The following XKR4 variants were observed in gnomAD, a reference collection of about 807,000 sequenced individuals.
XKR4 encodes XK-related protein 4.
In XKR4, 12 loss-of-function variants were observed where a neutral mutation model predicts 53.9. The observed-to-expected ratio is 0.22, with a 90% CI of 0.14 to 0.36. The LOEUF is 0.36. Ranked by LOEUF, XKR4 falls within the 10% of genes least tolerant of loss-of-function variation. XKR4 has a pLI of 1.00. For synonymous variants in XKR4, 354 were observed against 362.4 expected (o/e 0.98, Z 0.26); for missense variants, 799 against 859.5 (o/e 0.93, Z 0.88).
At chr8:55,319,528 C>A (rs1803174981) in intron 1 of XKR4, among the ~76,000 whole-genome samples, 1 of 152,120 alleles carries the variant, frequency 6.6e-6, no homozygotes, top group Admixed American at 6.6e-5. Flanking sequence ...CAGTTATTTT[C>A]TAATTTACAT....
intron 1 of XKR4, among the ~76,000 whole-genome samples, chr8:55,124,095 G>T (rs967556990): frequency 2.6e-5 from 4 of 152,176 alleles, no homozygotes; most frequent in African/African-American, 9.6e-5. Context: ...CCTCCTCAAA[G>T]CTGTCATCTT....
At chr8:55,158,590 T>G (rs777004348) in intron 1 of XKR4, among the ~76,000 whole-genome samples, 3 of 152,216 alleles carry the variant, frequency 2.0e-5, no homozygotes, top group Non-Finnish European at 4.4e-5. Context: ...ATGTCCAGAA[T>G]AGTGTTTTCT....
At chr8:55,103,804 G>C (rs1318809196) in intron 1 of XKR4, among the ~76,000 whole-genome samples, 5 of 146,972 alleles carry the variant, frequency 3.4e-5, no homozygotes, top group Admixed American at 6.9e-5. Flanking sequence ...ATCACTGCTG[G>C]AGAAGTGCTT....
intron 1 of XKR4, among the ~76,000 whole-genome samples, chr8:55,265,044 AC>A (rs1818577090): frequency 6.6e-6 from 1 of 152,176 alleles, no homozygotes; most frequent in South Asian, 2.1e-4. Flanking sequence ...ATTTCTTTTG[AC>A]CACTGTGTTC....
chr8:55,142,898 G>T (rs552598173), intron 1 of XKR4, among the ~76,000 whole-genome samples: 1 of 152,312 alleles, frequency 6.6e-6, no homozygotes, highest in African/African-American at 2.4e-5. Context: ...AAGGAGCAGC[G>T]CCTGAAGGCC....
At chr8:55,166,632 G>A (rs1817069132) in intron 1 of XKR4, among the ~76,000 whole-genome samples, 1 of 152,222 alleles carries the variant, frequency 6.6e-6, no homozygotes, top group Non-Finnish European at 1.5e-5. Context: ...AGTGGCATGA[G>A]GAGTTTTGGG....
chr8:55,193,149 TCCC>T (rs1034607245), intron 1 of XKR4, among the ~76,000 whole-genome samples: 8 of 142,154 alleles, frequency 5.6e-5, no homozygotes, highest in African/African-American at 2.0e-4. Context: ...CTTCCCATTT[TCCC>T]CCCATTACCC....
rs1489365667 is a variant in XKR4 at position 55,102,803 on chromosome 8, G to T, written c.315G>T (p.Arg105=). ...GCCTGCGCCTGGGCAGGGAGCAGCG[G>T]CGCTACTCACTGTGGGACTGCCTCT... The part of the protein sequence containing the change: ...ALCLRLGREQ[R]RYSLWDCLWI... The change falls in exon 1 of 3, where the codon CGG becomes CGT. Residue 105 remains arginine (R), a synonymous_variant. Coordinates refer to ENST00000327381, the MANE Select transcript of XKR4 (RefSeq NM_052898.2). This position sits in a 1 kb window ranked among gnomAD's most constrained non-coding sequence, Gnocchi z 5.1. 6.2e-7 allele frequency: 1 copy of T among 1,604,940 alleles called. No homozygotes were observed.
At chr8:55,131,226 C>T (rs1816550557) in intron 1 of XKR4, among the ~76,000 whole-genome samples, 1 of 152,086 alleles carries the variant, frequency 6.6e-6, no homozygotes, top group African/African-American at 2.4e-5. Flanking sequence ...CATTACATCA[C>T]AATCAGATTT....
intron 1 of XKR4, among the ~76,000 whole-genome samples, chr8:55,258,633 C>T (rs547893052): frequency 2.0e-5 from 3 of 152,146 alleles, no homozygotes; most frequent in Non-Finnish European, 4.4e-5. Flanking sequence ...GGTCAACACT[C>T]CATACTGAGC....
intron 2 of XKR4, among the ~76,000 whole-genome samples, chr8:55,412,126 G>A (rs1219627960): frequency 6.6e-6 from 1 of 152,162 alleles, no homozygotes; most frequent in Non-Finnish European, 1.5e-5. Context: ...TTTCCATGGG[G>A]TCCTGGAGAG....
intron 1 of XKR4, among the ~76,000 whole-genome samples, chr8:55,302,131 C>T (rs1276274735): frequency 6.6e-6 from 1 of 152,006 alleles, no homozygotes; most frequent in Non-Finnish European, 1.5e-5. Context: ...GGTTTTAGGT[C>T]TAACATTTAA....
At chr8:55,370,981 G>A (rs1804062457) in intron 2 of XKR4, among the ~76,000 whole-genome samples, 1 of 151,614 alleles carries the variant, frequency 6.6e-6, no homozygotes, top group Non-Finnish European at 1.5e-5. Context: ...CAAAATTTCA[G>A]TCTAATGGAA....
chr8:55,263,304 T>A (rs148281387), intron 1 of XKR4, among the ~76,000 whole-genome samples: 3 of 152,344 alleles, frequency 2.0e-5, no homozygotes, highest in African/African-American at 7.2e-5. Context: ...GTGGCCGTTG[T>A]TGCCATCACA....
chr8:55,200,660 A>AC (rs1486450071), intron 1 of XKR4, among the ~76,000 whole-genome samples: 2 of 152,338 alleles, frequency 1.3e-5, no homozygotes, highest in Admixed American at 6.5e-5. Flanking sequence ...TAATATGTTG[A>AC]CACAGTAGTA....
chr8:55,387,200 A>G (rs560336216), intron 2 of XKR4, among the ~76,000 whole-genome samples: 2 of 152,178 alleles, frequency 1.3e-5, no homozygotes, highest in Non-Finnish European at 2.9e-5. Context: ...TAAAGTTGTA[A>G]GGCATTGCTT....
At chr8:55,428,082 C>A (rs1482293197) in intron 2 of XKR4, among the ~76,000 whole-genome samples, 1 of 152,110 alleles carries the variant, frequency 6.6e-6, no homozygotes, top group Non-Finnish European at 1.5e-5. Flanking sequence ...ACTTTATGTG[C>A]TTTAAAAATA....
intron 1 of XKR4, among the ~76,000 whole-genome samples, chr8:55,340,986 A>G (rs2129382101): frequency 6.6e-6 from 1 of 152,308 alleles, no homozygotes; most frequent in Admixed American, 6.5e-5. Flanking sequence ...TGGGAAAATT[A>G]GGAACCATTC....
intron 1 of XKR4, among the ~76,000 whole-genome samples, chr8:55,216,249 T>C (rs1179200667): frequency 6.6e-6 from 1 of 152,132 alleles, no homozygotes; most frequent in Non-Finnish European, 1.5e-5. Context: ...GATTCTAAAA[T>C]GTATATGGAA....
Sources: allele counts gnomAD v4.1 joint callset (sites outside exome capture counted in the v4.1 genomes callset), GRCh38; gene constraint gnomAD v4.1.1; non-coding constraint Gnocchi (gnomAD v3.1); transcripts MANE v1.5; gene names NCBI Gene and HGNC (gene_info 2026-07-23, HGNC 2026-07-21).